The following TMEM163 variants were observed in gnomAD, a reference collection of about 807,000 sequenced individuals.
TMEM163 encodes the protein transmembrane protein 163.
Under a neutral mutation model 29.3 loss-of-function variants are expected in TMEM163, and 17 were observed. That is an observed-to-expected ratio of 0.58 (90% CI 0.40 to 0.87). The LOEUF is 0.87. Ranked by LOEUF, TMEM163 falls within the 40% of genes least tolerant of loss-of-function variation. The probability of loss-of-function intolerance (pLI) is 0.00; values close to 1 mark genes in which losing one functional copy is unlikely to be tolerated. For synonymous variants in TMEM163, 157 were observed against 160.6 expected (o/e 0.98, Z 0.17); for missense variants, 303 against 381.5 (o/e 0.79, Z 1.71).
intron 2 of TMEM163, among the ~76,000 whole-genome samples, chr2:134,671,846 C>T (rs1192233316): frequency 6.6e-6 from 1 of 152,216 alleles, no homozygotes; most frequent in Non-Finnish European, 1.5e-5. Context: ...AACTTCTCAA[C>T]CTCTCTGGAA....
intron 5 of TMEM163, among the ~76,000 whole-genome samples, chr2:134,501,900 G>A (rs935413483): frequency 9.2e-5 from 14 of 152,282 alleles, no homozygotes; most frequent in Admixed American, 6.5e-4. Flanking sequence ...ATAAATAACA[G>A]TTAAAATCCT....
intron 2 of TMEM163, among the ~76,000 whole-genome samples, chr2:134,650,202 A>G (rs1472912893): frequency 6.6e-6 from 1 of 152,002 alleles, no homozygotes. Flanking sequence ...AACATCTGGA[A>G]GTACATATTT....
At chr2:134,558,561 A>G (rs1681098020) in intron 2 of TMEM163, among the ~76,000 whole-genome samples, 1 of 152,208 alleles carries the variant, frequency 6.6e-6, no homozygotes, top group Non-Finnish European at 1.5e-5. Flanking sequence ...GTTAGGGCAA[A>G]GCTAAATCGT....
chr2:134,502,400 C>A (rs541525145), intron 5 of TMEM163, among the ~76,000 whole-genome samples: 24 of 152,272 alleles, frequency 1.6e-4, no homozygotes, highest in African/African-American at 5.8e-4. Context: ...ACCCAGAGGA[C>A]AAAGCAGTCA....
intron 2 of TMEM163, among the ~76,000 whole-genome samples, chr2:134,700,815 T>C (rs1411570560): frequency 6.6e-6 from 1 of 151,746 alleles, no homozygotes; most frequent in East Asian, 1.9e-4. Flanking sequence ...AGGAGAATTG[T>C]TTGAACCCAG....
At chr2:134,657,766 G>A (rs565476404) in intron 2 of TMEM163, among the ~76,000 whole-genome samples, 62 of 152,178 alleles carry the variant, frequency 4.1e-4, no homozygotes, top group Admixed American at 1.3e-3. Flanking sequence ...TCGCGCCATT[G>A]CACTCCAGCC....
At position 134,456,446 on chromosome 2, in the gene TMEM163, C is replaced by A. The variant is rs78198285; in HGVS notation, c.*270G>T. Reference sequence around the variant, plus strand: ...AAGATCTCATCCTACCCATGAGAACCATCATACTCCAGAGACTAAAAAACG... The same window carrying A: ...AAGATCTCATCCTACCCATGAGAACAATCATACTCCAGAGACTAAAAAACG... On this transcript the variant is annotated 3_prime_UTR_variant, in exon 8 of 8. Coordinates refer to ENST00000281924, the MANE Select transcript of TMEM163 (RefSeq NM_030923.5). 0.038 allele frequency: 18,001 copies of A among 475,722 alleles called. 454 individuals are homozygous for A. Among genetic ancestry groups the A allele is most frequent in the Middle Eastern group, 0.083 (143 of 1,724 alleles). 29.5% of individuals were successfully genotyped at this position (475,722 alleles called of 1,614,324 possible). A position where few individuals can be genotyped will look rare whatever the true frequency, so the allele number is the denominator to read the frequency against.
At chr2:134,496,502 C>T (rs576630080) in intron 5 of TMEM163, among the ~76,000 whole-genome samples, 1 of 152,304 alleles carries the variant, frequency 6.6e-6, no homozygotes, top group African/African-American at 2.4e-5. Flanking sequence ...CAGGACACAC[C>T]AGAAAACACC....
At chr2:134,714,047 T>C (rs1015990122) in intron 1 of TMEM163, among the ~76,000 whole-genome samples, 3 of 152,136 alleles carry the variant, frequency 2.0e-5, no homozygotes, top group African/African-American at 7.2e-5. Context: ...ATAAGACAAA[T>C]TTTATTTTTA....
At chr2:134,532,920 TG>T (rs1195444095) in intron 4 of TMEM163, among the ~76,000 whole-genome samples, 3 of 152,252 alleles carry the variant, frequency 2.0e-5, no homozygotes, top group African/African-American at 4.8e-5. Flanking sequence ...ACTTTGGGAG[TG>T]ACAGGTCTGT....
intron 6 of TMEM163, 120 bp from the exon 7 acceptor site, chr2:134,458,293 T>C: frequency 3.2e-6 from 4 of 1,246,590 alleles, no homozygotes; most frequent in South Asian, 2.8e-5. Context: ...TGCCCAAAGC[T>C]CTCACGAGTG....
chr2:134,631,490 G>A (rs767717893), intron 2 of TMEM163, among the ~76,000 whole-genome samples: 25 of 151,910 alleles, frequency 1.6e-4, no homozygotes, highest in Middle Eastern at 3.4e-3. Context: ...ATTGCCAGAC[G>A]TCCCCTGGGG....
At position 134,521,719 on chromosome 2, in the gene TMEM163, C is replaced by T. The variant is rs1015138499; in HGVS notation, c.459-18722G>A. Among the ~76,000 whole-genome samples, 20 of 152,276 alleles carry T rather than the reference C, an allele frequency of 1.3e-4. No individual in the cohort carries two copies. The East Asian group carries it at 2.3e-3, about 18-fold the overall frequency. On this transcript the variant is annotated intron_variant, in intron 4 of 7. Coordinates refer to ENST00000281924, the MANE Select transcript of TMEM163 (RefSeq NM_030923.5). ...AGCAATGGTGAACTCACAGAAAGGCCACCACAGCCTCTGTGCACACAAGGT... is the reference window on the plus strand; with the variant it reads ...AGCAATGGTGAACTCACAGAAAGGCTACCACAGCCTCTGTGCACACAAGGT...
intron 2 of TMEM163, among the ~76,000 whole-genome samples, chr2:134,692,846 C>A (rs998208625): frequency 6.6e-6 from 1 of 152,122 alleles, no homozygotes; most frequent in African/African-American, 2.4e-5. Context: ...TTGAGGAATA[C>A]AATTCAGTCC....
chr2:134,705,065 C>A (rs1684778788), intron 2 of TMEM163, among the ~76,000 whole-genome samples: 2 of 152,150 alleles, frequency 1.3e-5, no homozygotes, highest in African/African-American at 2.4e-5. Context: ...CAAAAACTAG[C>A]CAGGCATGGT....
chr2:134,688,142 G>A (rs367666747), intron 2 of TMEM163, among the ~76,000 whole-genome samples: 32 of 152,084 alleles, frequency 2.1e-4, no homozygotes, highest in East Asian at 9.7e-4. Context: ...TCTCCAATGC[G>A]AAGGAACCTC....
At chr2:134,472,659 G>T (rs944816761) in intron 5 of TMEM163, among the ~76,000 whole-genome samples, 1 of 152,186 alleles carries the variant, frequency 6.6e-6, no homozygotes, top group Non-Finnish European at 1.5e-5. Flanking sequence ...ATTCATTACA[G>T]CAATGAAAAC....
At chr2:134,637,125 T>G (rs944461119) in intron 2 of TMEM163, among the ~76,000 whole-genome samples, 4 of 152,256 alleles carry the variant, frequency 2.6e-5, no homozygotes, top group African/African-American at 9.6e-5. Context: ...TAGCTCTGTC[T>G]AGGCAGCAGG....
At chr2:134,552,396 T>C (rs1680950506) in intron 2 of TMEM163, among the ~76,000 whole-genome samples, 1 of 152,144 alleles carries the variant, frequency 6.6e-6, no homozygotes, top group Admixed American at 6.5e-5. Flanking sequence ...ATTTAGCAAC[T>C]GGGAACTATA....
Sources: gnomAD v4.1 joint callset for allele counts (sites outside exome capture counted in the v4.1 genomes callset) on GRCh38, gnomAD v4.1.1 for gene constraint, MANE v1.5 for transcripts, NCBI Gene and HGNC (gene_info 2026-07-23, HGNC 2026-07-21) for gene names.